Variants in PIK3C2G observed in about 807,000 individuals in gnomAD.
PIK3C2G encodes phosphatidylinositol 3-kinase C2 domain-containing subunit gamma.
Under a neutral mutation model 181.1 loss-of-function variants are expected in PIK3C2G, and 168 were observed. The observed-to-expected ratio is 0.93, with a 90% CI of 0.82 to 1.05. The LOEUF is 1.05. Ranked by LOEUF, PIK3C2G falls within the 50% of genes least tolerant of loss-of-function variation. PIK3C2G has a pLI of 0.00. For missense variants in PIK3C2G, 1,869 were observed against 1,732.8 expected (o/e 1.08, Z -1.40); for synonymous variants, 573 against 592.2 (o/e 0.97, Z 0.47).
chr12:18,601,527 A>T (rs973334688), intron 30 of PIK3C2G, among the ~76,000 whole-genome samples: 1 of 152,226 alleles, frequency 6.6e-6, no homozygotes, highest in East Asian at 1.9e-4. Flanking sequence ...TTACAGCTAG[A>T]TAGGTGGAAC....
At chr12:18,717,107 A>G in the PIK3C2G span, among the ~76,000 whole-genome samples, 9 of 152,162 alleles carry the variant, frequency 5.9e-5, no homozygotes, top group African/African-American at 2.2e-4. Context: ...AAAGGTGGAT[A>G]AAGAAACAGA....
At chr12:18,316,056 C>G (rs4448740) in intron 6 of PIK3C2G, among the ~76,000 whole-genome samples, 69,218 of 151,668 alleles carry the variant, frequency 0.46, 16,314 homozygotes, top group African/African-American at 0.58. Flanking sequence ...TGTTCTTAGT[C>G]CTTTAAATGA....
At chr12:18,604,178 T>G (rs1367488231) in intron 30 of PIK3C2G, among the ~76,000 whole-genome samples, 1 of 152,042 alleles carries the variant, frequency 6.6e-6, no homozygotes, top group Non-Finnish European at 1.5e-5. Context: ...TCATATAAAC[T>G]TAGAGTAAAT....
At chr12:18,691,757 A>T in the PIK3C2G span, among the ~76,000 whole-genome samples, 2 of 152,182 alleles carry the variant, frequency 1.3e-5, no homozygotes, top group African/African-American at 4.8e-5. Flanking sequence ...AAGGAGTACC[A>T]ACAATCCAGT....
At chr12:18,602,285 A>G (rs1399163780) in intron 30 of PIK3C2G, among the ~76,000 whole-genome samples, 2 of 151,886 alleles carry the variant, frequency 1.3e-5, no homozygotes, top group African/African-American at 4.8e-5. Flanking sequence ...GACAACATGC[A>G]TGACTTAGTT....
At chr12:18,334,689 C>T (rs1414516524) in intron 8 of PIK3C2G, among the ~76,000 whole-genome samples, 1 of 152,084 alleles carries the variant, frequency 6.6e-6, no homozygotes. Context: ...TGTATCACCT[C>T]TATGAAAATG....
At chr12:18,642,822 G>GTGTGTT (rs1949912306) in intron 32 of PIK3C2G, among the ~76,000 whole-genome samples, 1 of 146,000 alleles carries the variant, frequency 6.8e-6, no homozygotes, top group Non-Finnish European at 1.5e-5. Context: ...GTGTGTGTGT[G>GTGTGTT]TATAAAATGT....
At chr12:18,300,194 T>A (rs1448467755) in intron 5 of PIK3C2G, among the ~76,000 whole-genome samples, 1 of 152,140 alleles carries the variant, frequency 6.6e-6, no homozygotes, top group East Asian at 1.9e-4. Flanking sequence ...TTTTTATTAC[T>A]GATTCAGTCT....
intron 12 of PIK3C2G, 62 bp from the exon 13 acceptor site, chr12:18,371,118 C>G (rs1942026637): frequency 7.4e-7 from 1 of 1,351,688 alleles, no homozygotes; most frequent in Non-Finnish European, 1.0e-6. Flanking sequence ...ATTATAAGAA[C>G]ATTTTCATTA....
chr12:18,389,516 G>A (rs544835658), intron 14 of PIK3C2G, among the ~76,000 whole-genome samples: 31 of 152,284 alleles, frequency 2.0e-4, no homozygotes, highest in Non-Finnish European at 2.5e-4. Flanking sequence ...TTGTTAATGT[G>A]TGCGCCTTTT....
At chr12:18,524,693 G>A (rs1001406878) in intron 24 of PIK3C2G, among the ~76,000 whole-genome samples, 2 of 151,796 alleles carry the variant, frequency 1.3e-5, no homozygotes, top group Non-Finnish European at 2.9e-5. Flanking sequence ...AGCCTCCTGA[G>A]TAGCTGGGAT....
intron 26 of PIK3C2G, among the ~76,000 whole-genome samples, chr12:18,557,785 G>A (rs1456289120): frequency 3.9e-5 from 6 of 152,120 alleles, no homozygotes; most frequent in Non-Finnish European, 8.8e-5. Context: ...TTAAAAGTTA[G>A]TACAAGATAG....
chr12:18,303,397 T>G (rs971043813), intron 5 of PIK3C2G, among the ~76,000 whole-genome samples: 3 of 151,736 alleles, frequency 2.0e-5, no homozygotes, highest in African/African-American at 7.3e-5. Context: ...TGCAGTGGCA[T>G]GATCTTGGCT....
chr12:18,399,637 A>G, intron 15 of PIK3C2G, 22 bp from the exon 16 acceptor site: 1 of 1,486,964 alleles, frequency 6.7e-7, no homozygotes, highest in Non-Finnish European at 9.2e-7. Context: ...AGTAAATTAC[A>G]GTTTCCAATC....
At chr12:18,469,597 T>C (rs1055597858) in intron 18 of PIK3C2G, among the ~76,000 whole-genome samples, 3 of 151,968 alleles carry the variant, frequency 2.0e-5, no homozygotes, top group South Asian at 2.1e-4. Context: ...TCTTAGCCCC[T>C]CTGAATATTT....
downstream of PIK3C2G, among the ~76,000 whole-genome samples, chr12:18,652,790 G>A (rs1315691618): frequency 6.6e-6 from 1 of 151,912 alleles, no homozygotes; most frequent in East Asian, 1.9e-4. Context: ...CTAATGAGGT[G>A]GGAAAGAAAG....
At chr12:18,662,425 T>G in the PIK3C2G span, among the ~76,000 whole-genome samples, 2 of 151,394 alleles carry the variant, frequency 1.3e-5, no homozygotes. Flanking sequence ...CTGAGGAAAT[T>G]TATGACCCTA....
chr12:18,448,669 G>A (rs1375274012), intron 18 of PIK3C2G, among the ~76,000 whole-genome samples: 1 of 151,886 alleles, frequency 6.6e-6, no homozygotes. Context: ...TTCATGTAAT[G>A]TCCTTTAAGT....
chr12:18,669,456 C>G, the PIK3C2G span, among the ~76,000 whole-genome samples: 3 of 152,160 alleles, frequency 2.0e-5, no homozygotes, highest in Non-Finnish European at 4.4e-5. Context: ...CTAAAAGATA[C>G]TGTCTTAATG....
Sources: gnomAD v4.1 joint callset for allele counts (sites outside exome capture counted in the v4.1 genomes callset) on GRCh38, gnomAD v4.1.1 for gene constraint, MANE v1.5 for transcripts, NCBI Gene and HGNC (gene_info 2026-07-23, HGNC 2026-07-21) for gene names.